PLEKHG7: variants seen among roughly 807,000 people sequenced by gnomAD.
The protein encoded by PLEKHG7 is pleckstrin homology domain-containing family G member 7.
Under a neutral mutation model 85.2 loss-of-function variants are expected in PLEKHG7, and 77 were observed. The ratio of observed to expected loss-of-function variants is 0.90; its 90% CI spans 0.75 to 1.09. The LOEUF (loss-of-function observed/expected upper bound fraction) is 1.09, where lower values mean the gene tolerates loss of function less well. Ranked by LOEUF, PLEKHG7 falls within the 50% of genes least tolerant of loss-of-function variation. PLEKHG7 has a pLI of 0.00. For missense variants in PLEKHG7, 777 were observed against 804.3 expected, an observed-to-expected ratio of 0.97 and a Z score of 0.41; for synonymous variants, 301 against 302.4, an observed-to-expected ratio of 1.00 and a Z score of 0.05.
intron 15 of PLEKHG7, 80 bp from the exon 16 acceptor site, chr12:92,768,903 C>A: frequency 2.0e-6 from 2 of 980,606 alleles, no homozygotes; most frequent in Non-Finnish European, 3.0e-6. Context: ...GAAAACAAAC[C>A]CCAGATTCTT....
At chr12:92,721,589 A>G in intron 3 of PLEKHG7, 2 of 1,161,672 alleles carry the variant, frequency 1.7e-6, no homozygotes, top group Non-Finnish European at 2.2e-6. Context: ...AGCCAGTGGA[A>G]GGGTGTCCTG....
chr12:92,751,628 C>T (rs560566487), intron 10 of PLEKHG7, among the ~76,000 whole-genome samples: 1 of 152,050 alleles, frequency 6.6e-6, no homozygotes, highest in East Asian at 1.9e-4. Flanking sequence ...CCCACCTCGG[C>T]CTCCCAAAGT....
intron 13 of PLEKHG7, among the ~76,000 whole-genome samples, chr12:92,756,817 G>T (rs1251097666): frequency 6.6e-6 from 1 of 152,162 alleles, no homozygotes; most frequent in Admixed American, 6.5e-5. Context: ...ACTATTGGAA[G>T]ATATAAAAAC....
At chr12:92,748,844 G>A (rs1037277532) in intron 10 of PLEKHG7, among the ~76,000 whole-genome samples, 1 of 152,232 alleles carries the variant, frequency 6.6e-6, no homozygotes, top group Non-Finnish European at 1.5e-5. Context: ...AGAGGTCAGG[G>A]AGAGACTCGC....
Position 92,737,643 on chromosome 12 carries a change from A to G in PLEKHG7, c.939+122A>G, listed in dbSNP as rs548972928. ...AGAGAAAAGAAAGAAAGAGAAAGAG[A>G]GACAAAGAGAAAGAAAGGAAGGAAG... On this transcript the variant is annotated intron_variant, in intron 7 of 16. Coordinates refer to ENST00000344636, the MANE Select transcript of PLEKHG7 (RefSeq NM_001377329.1). 1.7e-4 allele frequency: 170 copies of G among 1,021,678 alleles called. 1 individual carries two copies. In the Middle Eastern group the frequency reaches 2.3e-3, roughly 14 times the overall value. The allele number at this position is 1,021,678 out of a possible 1,614,324, so 63.3% of individuals were successfully genotyped here.
At chr12:92,754,298 A>G (rs1380024950) in intron 11 of PLEKHG7, 34 bp downstream of exon 11, 1 of 1,600,840 alleles carries the variant, frequency 6.2e-7, no homozygotes, top group Non-Finnish European at 8.5e-7. Flanking sequence ...TTAATTACAG[A>G]ATTGTGGCCT....
At chr12:92,761,661 AGAAAGAAAG>A (rs1873028313) in intron 13 of PLEKHG7, 82 bp from the exon 14 acceptor site, 1 of 1,340,298 alleles carries the variant, frequency 7.5e-7, no homozygotes, top group Non-Finnish European at 9.7e-7. Context: ...AAAGAAAGAA[AGAAAGAAAG>A]AAAGAAAGAA....
At chr12:92,725,312 C>G (rs1017053878) in intron 3 of PLEKHG7, among the ~76,000 whole-genome samples, 2 of 152,098 alleles carry the variant, frequency 1.3e-5, no homozygotes, top group African/African-American at 4.8e-5. Context: ...GGAGCCAGAT[C>G]ACGGAAGGCT....
chr12:92,763,224 T>C (rs563129127), intron 14 of PLEKHG7, among the ~76,000 whole-genome samples: 1 of 152,310 alleles, frequency 6.6e-6, no homozygotes, highest in African/African-American at 2.4e-5. Flanking sequence ...ATTTATACCA[T>C]GCAGGTCACA....
Position 92,761,623 on chromosome 12 carries a change from GAAGAAAGAAAGAAAGAAAGAAAGAAAGA to G in PLEKHG7, c.1637-93_1637-66del, listed in dbSNP as rs10601568. On this transcript the variant is annotated intron_variant, in intron 13 of 16. Transcript: ENST00000344636. ...AAAGAAAGAAAAAGAAAGAAAGAAA[GAAGAAAGAAAGAAAGAAAGAAAGAAAGA>G]AAGAAAGAAAGAAAGAAAGAAAGAA... 6.9e-4 allele frequency: 497 copies of G among 718,932 alleles called. 4 individuals are homozygous for G. Among genetic ancestry groups the G allele is most frequent in the South Asian group, 3.6e-3 (101 of 27,906 alleles). The allele number at this position is 718,932 out of a possible 1,614,324, so 44.5% of individuals were successfully genotyped here.
chr12:92,730,403 C>T (rs947278332), intron 4 of PLEKHG7, among the ~76,000 whole-genome samples: 1 of 152,204 alleles, frequency 6.6e-6, no homozygotes, highest in Non-Finnish European at 1.5e-5. Context: ...AGCAGCTTTG[C>T]CATCACCTGA....
intron 3 of PLEKHG7, among the ~76,000 whole-genome samples, chr12:92,720,323 CT>C (rs36081838): frequency 0.031 from 4,498 of 146,858 alleles, 193 homozygotes; most frequent in African/African-American, 0.096. Flanking sequence ...CTCTTAGTGT[CT>C]TTTTTTTTTT....
intron 15 of PLEKHG7, among the ~76,000 whole-genome samples, chr12:92,765,943 T>A (rs1873183232): frequency 1.3e-5 from 2 of 152,204 alleles, no homozygotes; most frequent in Non-Finnish European, 2.9e-5. Context: ...TTCAGTAAGA[T>A]TTGCTGAAAG....
chr12:92,754,655 C>T (rs1207574670), intron 11 of PLEKHG7, among the ~76,000 whole-genome samples: 1 of 152,168 alleles, frequency 6.6e-6, no homozygotes, highest in Admixed American at 6.6e-5. Context: ...AATTACCATT[C>T]ATCATTTCTT....
intron 5 of PLEKHG7, 107 bp from the exon 6 acceptor site, chr12:92,736,375 C>T (rs1186850267): frequency 1.6e-6 from 1 of 635,458 alleles, no homozygotes; most frequent in Non-Finnish European, 2.3e-6. Context: ...AATATGCCAT[C>T]TCTTATCATG....
intron 14 of PLEKHG7, 152 bp from the exon 15 acceptor site, chr12:92,763,889 C>A: frequency 1.9e-6 from 1 of 524,154 alleles, no homozygotes; most frequent in Non-Finnish European, 3.1e-6. Context: ...TGGGGAAATG[C>A]TTTTCAAGAT....
chr12:92,730,615 T>A (rs1478895332), intron 4 of PLEKHG7, among the ~76,000 whole-genome samples: 2 of 152,210 alleles, frequency 1.3e-5, no homozygotes. Flanking sequence ...AGACGAAGTT[T>A]CAACATATTG....
In PLEKHG7 at chr12:92,714,255, G is replaced by T. The variant is rs144156869; in HGVS notation, c.530+6583G>T. On this transcript the variant is annotated intron_variant, in intron 3 of 16. Transcript: ENST00000344636. The stretch of plus-strand genomic sequence containing the variant: ...GGGTTTATCTCCCCAGACAAAGGTG[G>T]AAAGGCTGATGGCAGCATGGGTCAG... Among the ~76,000 whole-genome samples the T allele has an allele frequency of 3.9e-3, 599 of 152,284 alleles. 2 individuals carry two copies. Among genetic ancestry groups the T allele is most frequent in the African/African-American group, 0.014 (580 of 41,548 alleles).
In PLEKHG7 at chr12:92,770,934, TCTTAA is replaced by T. The variant is rs1647586882; in HGVS notation, c.*743_*747del. ...TCATAGACATAGTAAGGTATCTGTC[TCTTAA>T]CTTTATTTTTTGAAGAATGATGGTG... On this transcript the variant is annotated 3_prime_UTR_variant, in exon 17 of 17. Transcript: ENST00000344636. 2 of 152,250 alleles carry T rather than the reference TCTTAA, an allele frequency of 1.3e-5. No individual in the cohort carries two copies. The highest frequency in any genetic ancestry group is 4.8e-5 in the African/African-American group (2 of 41,548). 9.4% of individuals were successfully genotyped at this position (152,250 alleles called of 1,614,324 possible).
Sources: allele counts gnomAD v4.1 joint callset (sites outside exome capture counted in the v4.1 genomes callset), GRCh38; gene constraint gnomAD v4.1.1; transcripts MANE v1.5; gene names NCBI Gene and HGNC (gene_info 2026-07-23, HGNC 2026-07-21).